P2RX5: variants seen among roughly 807,000 people sequenced by gnomAD.
P2RX5 encodes the protein P2X purinoceptor 5.
In P2RX5, 46 loss-of-function variants were observed where a neutral mutation model predicts 54.1. The observed-to-expected ratio is 0.85, with a 90% CI of 0.67 to 1.09. The LOEUF is 1.09. Among genes scored for constraint, P2RX5 ranks in the 50% least tolerant of loss-of-function variants. P2RX5 has a pLI of 0.00. For missense variants in P2RX5, 566 were observed against 549.8 expected, an observed-to-expected ratio of 1.03 and a Z score of -0.29; for synonymous variants, 226 against 226.4, an observed-to-expected ratio of 1.00 and a Z score of 0.02.
intron 8 of P2RX5, 31 bp from the exon 9 acceptor site, chr17:3,688,136 AG>A: frequency 8.0e-7 from 1 of 1,257,266 alleles, no homozygotes; most frequent in Non-Finnish European, 1.2e-6. Context: ...GGGAGGCCTC[AG>A]CCTGCCTGGC....
At chr17:3,699,205 G>T (rs528226704), upstream of P2RX5, among the ~76,000 whole-genome samples, 74 of 152,134 alleles carry the variant, frequency 4.9e-4, no homozygotes, top group African/African-American at 1.7e-3. Flanking sequence ...AGACCAGCCT[G>T]GGCAACATAG....
the P2RX5 span, chr17:3,720,243 G>A: frequency 1.3e-5 from 10 of 767,590 alleles, no homozygotes; most frequent in East Asian, 2.5e-4. Context: ...GAATGTCTGT[G>A]GAGGTGCTCA....
Position 3,673,449 on chromosome 17 carries a change from T to G in P2RX5, c.*419A>C. The G allele has an allele frequency of 9.2e-7, 1 of 1,087,308 alleles. No homozygotes were observed. The highest frequency in any genetic ancestry group is 1.1e-6 in the Non-Finnish European group (1 of 890,016). The allele number at this position is 1,087,308 out of a possible 1,614,324, so 67.4% of individuals were successfully genotyped here. ...AAGCTGCGGCACTTGCAGAGGGGAG[T>G]GGGCTGGAACCAAATGGAGCCCTTT... On this transcript the variant is annotated 3_prime_UTR_variant, in exon 12 of 12. Coordinates refer to ENST00000225328, the MANE Select transcript of P2RX5 (RefSeq NM_002561.4).
rs369167212 is a variant in P2RX5 at position 3,681,577 on chromosome 17, A to G, written c.1064+319T>C. Among the ~76,000 whole-genome samples the G allele has an allele frequency of 1.4e-4, 22 of 152,326 alleles. No homozygotes were observed. In the East Asian group the frequency reaches 3.5e-3, roughly 24 times the overall value. Reference sequence around the variant, plus strand: ...ATCCCAAAACAGAAGTGCTGCAGACACCACTCGATTGGTAAACCAACTCTC... The same window carrying G: ...ATCCCAAAACAGAAGTGCTGCAGACGCCACTCGATTGGTAAACCAACTCTC... On this transcript the variant is annotated intron_variant, in intron 10 of 11. Coordinates refer to ENST00000225328, the MANE Select transcript of P2RX5 (RefSeq NM_002561.4).
At chr17:3,709,122 T>G in the P2RX5 span, among the ~76,000 whole-genome samples, 1 of 152,184 alleles carries the variant, frequency 6.6e-6, no homozygotes, top group African/African-American at 2.4e-5. Context: ...AGGCTAATTT[T>G]TGCATTTTTA....
chr17:3,699,052 GACACAC>G (rs71379596), upstream of P2RX5, among the ~76,000 whole-genome samples: 279 of 40,888 alleles, frequency 6.8e-3, 2 homozygotes, highest in African/African-American at 0.013. Context: ...TATATAGACA[GACACAC>G]ACACACACAC....
the P2RX5 span, among the ~76,000 whole-genome samples, chr17:3,720,026 T>A: frequency 1.2e-4 from 18 of 152,160 alleles, 1 homozygote; most frequent in Admixed American, 1.1e-3. Flanking sequence ...TGCGCCCAGC[T>A]GCGAAATTTT....
the P2RX5 span, chr17:3,723,257 A>G: frequency 1.4e-6 from 2 of 1,428,834 alleles, no homozygotes; most frequent in African/African-American, 2.8e-5. Flanking sequence ...CAACTGGATA[A>G]TCAAATCTGG....
At chr17:3,676,662 A>G in intron 11 of P2RX5, 1 of 912,006 alleles carries the variant, frequency 1.1e-6, no homozygotes, top group Non-Finnish European at 1.3e-6. Flanking sequence ...CTGTGCACAC[A>G]GATCACCTTG....
chr17:3,673,907 G>A, intron 11 of P2RX5, 30 bp from the exon 12 acceptor site: 1 of 1,596,330 alleles, frequency 6.3e-7, no homozygotes, highest in Non-Finnish European at 8.5e-7. Flanking sequence ...AGGAGCTCTT[G>A]AGAGGCTGGC....
Position 3,679,640 on chromosome 17 carries a change from G to T in P2RX5, c.1209C>A (p.Ser403Arg). Reference protein sequence around the residue: ...QEPPEAKRGSSSQKGNGSVCP... With the variant: ...QEPPEAKRGSRSQKGNGSVCP... ...ACACAGATCCGTTCCCCTTCTGACTGCTGCTTCCACGCTTCGCCTCGGGTG... is the reference window on the plus strand; with the variant it reads ...ACACAGATCCGTTCCCCTTCTGACTTCTGCTTCCACGCTTCGCCTCGGGTG... Residue 403 changes from serine to arginine, a missense_variant, in exon 11 of 12, where the codon AGC (serine) becomes AGA (arginine). Physicochemically the swap from Ser to Arg is moderately radical, Grantham distance 110 (BLOSUM62 -1). Transcript: ENST00000225328. The T allele has an allele frequency of 6.2e-7, 1 of 1,609,988 alleles. No homozygotes were observed.
At position 3,673,527 on chromosome 17, in the gene P2RX5, G is replaced by T; in HGVS notation, c.*341C>A. On this transcript the variant is annotated 3_prime_UTR_variant, in exon 12 of 12. Transcript: ENST00000225328. ...TGAGGTAATCTAGGAACTCTACAGG[G>T]CACTGCGGTCCTTAGCTGAGGTGCT... 1 of 1,280,806 alleles carries T rather than the reference G, an allele frequency of 7.8e-7. No individual in the cohort carries two copies. The allele number at this position is 1,280,806 out of a possible 1,614,324, so 79.3% of individuals were successfully genotyped here.
intron 6 of P2RX5, 100 bp downstream of exon 6, chr17:3,689,970 G>A (rs1017473314): frequency 1.5e-5 from 16 of 1,033,610 alleles, no homozygotes; most frequent in South Asian, 5.0e-5. Flanking sequence ...GTGCACACAC[G>A]CGCGCACACA....
At chr17:3,685,548 G>A (rs2050423296) in intron 9 of P2RX5, 1 of 156,888 alleles carries the variant, frequency 6.4e-6, no homozygotes, top group Non-Finnish European at 1.4e-5. Flanking sequence ...AGCCCACGTT[G>A]ATGATGGTGG....
intron 2 of P2RX5, 94 bp from the exon 3 acceptor site, chr17:3,691,121 C>T: frequency 5.3e-6 from 5 of 948,082 alleles, no homozygotes; most frequent in Middle Eastern, 2.1e-4. Flanking sequence ...GGTCCCTCTG[C>T]CTGGGTTTTG....
the P2RX5 span, among the ~76,000 whole-genome samples, chr17:3,709,777 C>T: frequency 4.6e-5 from 7 of 152,006 alleles, no homozygotes; most frequent in South Asian, 2.1e-4. Flanking sequence ...GGCATGGTGG[C>T]GGGTGCCTGT....
At chr17:3,695,602 A>G (rs2050735297) in intron 1 of P2RX5, among the ~76,000 whole-genome samples, 1 of 152,240 alleles carries the variant, frequency 6.6e-6, no homozygotes, top group Non-Finnish European at 1.5e-5. Flanking sequence ...CTGCAGGGAA[A>G]GCCTGATAAA....
At chr17:3,695,489 G>A (rs1376080771) in intron 1 of P2RX5, among the ~76,000 whole-genome samples, 1 of 152,124 alleles carries the variant, frequency 6.6e-6, no homozygotes, top group East Asian at 1.9e-4. Context: ...CCAGGCCAAG[G>A]CCCAGGGAGG....
chr17:3,698,478 TG>T (rs1346898650), upstream of P2RX5, among the ~76,000 whole-genome samples: 1 of 152,140 alleles, frequency 6.6e-6, no homozygotes, highest in Non-Finnish European at 1.5e-5. Context: ...TTCATTTTTC[TG>T]GGGTGATTAG....
Sources: gnomAD v4.1 joint callset for allele counts (sites outside exome capture counted in the v4.1 genomes callset) on GRCh38, gnomAD v4.1.1 for gene constraint, MANE v1.5 for transcripts, NCBI Gene and HGNC (gene_info 2026-07-23, HGNC 2026-07-21) for gene names.